MAGEC3: variants seen among roughly 807,000 people sequenced by gnomAD.
MAGEC3 encodes the protein melanoma-associated antigen C3.
Under a neutral mutation model 35.3 loss-of-function variants are expected in MAGEC3, and 34 were observed. The observed-to-expected ratio is 0.96, with a 90% CI of 0.73 to 1.28. MAGEC3 has a LOEUF of 1.28. Among genes scored for constraint, MAGEC3 ranks in the 50% most tolerant of loss-of-function variants. The pLI is 0.00. For missense variants in MAGEC3, 561 were observed against 483.6 expected (o/e 1.16, Z -1.50); for synonymous variants, 202 against 185.6 (o/e 1.09, Z -0.72).
intron 6 of MAGEC3, chrX:141,896,610 C>G (rs772628714): frequency 8.4e-7 from 1 of 1,193,429 alleles, no homozygotes; most frequent in African/African-American, 1.8e-5. Context: ...TCATCCCCAT[C>G]CCTGCTCACA....
In MAGEC3 at chrX:141,881,407, C is replaced by G; in HGVS notation, c.520C>G (p.Pro174Ala). 8.4e-7 allele frequency: 1 copy of G among 1,194,076 alleles called. No homozygotes were observed. Among genetic ancestry groups the G allele is most frequent in the Non-Finnish European group, 1.1e-6 (1 of 887,851 alleles). ...AGATACAAGTACCTGGCACAGCTTG[C>G]CAGAGAGCGAGCCCTTGTTCACTTA... is the stretch of plus-strand genomic sequence containing the variant. Reference protein sequence around the residue: ...RLWGEKAGSLPESEPLFTYTL... With the variant: ...RLWGEKAGSLAESEPLFTYTL... The change falls in exon 4 of 8, where the codon CCA becomes GCA. Residue 174 changes from proline to alanine, a missense_variant. Pro to Ala is a conservative substitution (Grantham distance 27, BLOSUM62 -1). Transcript: ENST00000298296.
intron 6 of MAGEC3, 133 bp downstream of exon 6, chrX:141,895,692 A>C (rs2124130897): frequency 8.0e-6 from 2 of 249,049 alleles, no homozygotes; most frequent in Admixed American, 1.7e-4. Context: ...CAGTCAGCTC[A>C]GGCTGAGCGG....
chrX:141,874,042 A>G (rs750104327), intron 2 of MAGEC3, among the ~76,000 whole-genome samples: 1 of 112,239 alleles, frequency 8.9e-6, no homozygotes, highest in Non-Finnish European at 1.9e-5. Flanking sequence ...AATGCAATAG[A>G]CATCCCAGAA....
rs768743003 is a variant in MAGEC3 at position 141,897,253 on chromosome X, G to A, written c.1495G>A (p.Gly499Arg). 7.4e-6 allele frequency: 9 copies of A among 1,210,215 alleles called. No individual in the cohort carries two copies. The highest frequency in any genetic ancestry group is 3.5e-5 in the South Asian group (2 of 56,763). Reference sequence around the variant, plus strand: ...TAAGGACTATTTTCCCATGATCTTCGGGAAAGCCCATGAGTTCATAGAGCT... The same window carrying A: ...TAAGGACTATTTTCCCATGATCTTCAGGAAAGCCCATGAGTTCATAGAGCT... ...KYKDYFPMIFGKAHEFIELIF... is the reference protein window; with the variant it reads ...KYKDYFPMIFRKAHEFIELIF... The change falls in exon 7 of 8, where the codon GGG becomes AGG. Residue 499 changes from glycine (G) to arginine (R), a missense_variant. By Grantham distance (125) the Gly-to-Arg change is moderately radical. Coordinates refer to ENST00000298296, the MANE Select transcript of MAGEC3 (RefSeq NM_138702.1).
chrX:141,867,486 G>A (rs1220431937), intron 2 of MAGEC3, among the ~76,000 whole-genome samples: 1 of 111,231 alleles, frequency 9.0e-6, no homozygotes, highest in African/African-American at 3.3e-5. Flanking sequence ...AAACTCTCCC[G>A]CCCTAAATCC....
At chrX:141,848,231 A>ATTGTT (rs1169561607) in intron 1 of MAGEC3, among the ~76,000 whole-genome samples, 2 of 109,607 alleles carry the variant, frequency 1.8e-5, no homozygotes, top group East Asian at 5.7e-4. Flanking sequence ...AAGGATACCC[A>ATTGTT]CTCTCACAAC....
intron 4 of MAGEC3, chrX:141,894,937 G>A (rs989911395): frequency 4.3e-6 from 3 of 693,469 alleles, no homozygotes; most frequent in Middle Eastern, 6.8e-4. Flanking sequence ...AGGAAGTTGG[G>A]AGGTGGGTAG....
chrX:141,895,526 A>G lies in MAGEC3; in HGVS notation c.1090A>G (p.Thr364Ala). 8.3e-7 allele frequency: 1 copy of G among 1,208,302 alleles called. No individual in the cohort carries two copies. ...HRQEDGRRGL[T>A]EASPQQKKGG... The stretch of plus-strand genomic sequence containing the variant: ...ACAGGAAGATGGCCGCCGAGGGCTG[A>G]CCGAGGCGTCCCCACAACAGAAGAA... The change falls in exon 6 of 8, where the codon ACC becomes GCC. Residue 364 changes from threonine (T) to alanine (A), a missense_variant. Transcript: ENST00000298296.
rs867543709 is a variant in MAGEC3 at position 141,895,336 on chromosome X, C to T, written c.977C>T (p.Pro326Leu). ...SRLALWESEGPEAFCEESGLR... is the reference protein window; with the variant it reads ...SRLALWESEGLEAFCEESGLR... ...CTTGCACTGTGGGAGTCTGAAGGAC[C>T]TGAAGCATTTTGCGAGGAGTCTGGA... Residue 326 changes from proline to leucine, a missense_variant, in exon 5 of 8, where the codon CCT becomes CTT. Pro to Leu is a moderately conservative substitution (Grantham distance 98). Coordinates refer to ENST00000298296, the MANE Select transcript of MAGEC3 (RefSeq NM_138702.1). The T allele has an allele frequency of 2.5e-6, 3 of 1,207,994 alleles. No individual in the cohort carries two copies. The highest frequency in any genetic ancestry group is 3.5e-5 in the African/African-American group (2 of 56,507).
chrX:141,867,330 CTTT>C (rs1482021839), intron 2 of MAGEC3, among the ~76,000 whole-genome samples: 1 of 111,680 alleles, frequency 9.0e-6, no homozygotes, highest in Non-Finnish European at 1.9e-5. Context: ...AAGCACATTC[CTTT>C]CCCTTCAGGT....
chrX:141,865,394 G>A (rs1166200722), intron 1 of MAGEC3, 77 bp from the exon 2 acceptor site: 8 of 987,579 alleles, frequency 8.1e-6, no homozygotes, highest in Non-Finnish European at 1.1e-5. Context: ...AGACACTAAA[G>A]AAGAATAGAG....
intron 2 of MAGEC3, 135 bp downstream of exon 2, chrX:141,865,740 T>G: frequency 1.4e-6 from 1 of 696,178 alleles, no homozygotes; most frequent in Non-Finnish European, 2.0e-6. Context: ...AGACTTCATT[T>G]TTGGGGCCTG....
intron 1 of MAGEC3, among the ~76,000 whole-genome samples, chrX:141,859,326 G>A (rs1295472049): frequency 1.8e-5 from 2 of 111,255 alleles, no homozygotes; most frequent in Non-Finnish European, 3.8e-5. Flanking sequence ...TGTTTGATGA[G>A]TGTAAAGTGA....
At chrX:141,894,546 A>G in intron 4 of MAGEC3, 1 of 668,546 alleles carries the variant, frequency 1.5e-6, no homozygotes, top group Non-Finnish European at 2.0e-6. Context: ...TGACAGAACA[A>G]CTGTTGCTGT....
rs752647806 is a variant in MAGEC3, at chrX:141,897,761, A to C, written c.1861A>C (p.Thr621Pro). Residue 621 changes from threonine to proline, a missense_variant, in exon 8 of 8, where the codon ACC becomes CCC. Physicochemically the swap from Thr to Pro is conservative, Grantham distance 38 (BLOSUM62 -1). Transcript: ENST00000298296. ...MEDRAQAIID[T>P]TDDATAMASA... ...AGACAGAGCCCAGGCCATAATTGAC[A>C]CCACAGATGATGCTACTGCCATGGC... is the stretch of plus-strand genomic sequence containing the variant. The C allele has an allele frequency of 3.1e-5, 37 of 1,208,618 alleles. No individual in the cohort carries two copies. The highest frequency in any genetic ancestry group is 3.9e-5 in the Non-Finnish European group (35 of 894,713).
chrX:141,841,095 T>C (rs1198833189), intron 1 of MAGEC3, among the ~76,000 whole-genome samples: 1 of 111,510 alleles, frequency 9.0e-6, no homozygotes, highest in Non-Finnish European at 1.9e-5. Context: ...TTCTTTTCTT[T>C]CCACTTAAGC....
intron 6 of MAGEC3, 67 bp downstream of exon 6, chrX:141,895,626 G>T: frequency 9.6e-7 from 1 of 1,045,357 alleles, no homozygotes; most frequent in East Asian, 3.3e-5. Context: ...CACCTCAGAG[G>T]ACAGCTTCCC....
rs755963616 is a variant in MAGEC3, at chrX:141,874,751, GA to G, written c.259-4415del. 5.0e-5 allele frequency among the ~76,000 whole-genome samples: 5 copies of G among 100,677 alleles called. No individual in the cohort carries two copies. In the South Asian group the frequency reaches 1.3e-3, roughly 27 times the overall value. The allele number at this position is 100,677 out of a possible 115,157, so 87.4% of individuals were successfully genotyped here. On this transcript the variant is annotated intron_variant, in intron 2 of 7. Coordinates refer to ENST00000298296, the MANE Select transcript of MAGEC3 (RefSeq NM_138702.1). Reference sequence around the variant, plus strand: ...CCTCAGTCATTGCTGATTTTAATTTGAAAAAAAAATACACTCACTCTAGAAA... The same window carrying G: ...CCTCAGTCATTGCTGATTTTAATTTGAAAAAAAATACACTCACTCTAGAAA...
intron 7 of MAGEC3, 30 bp from the exon 8 acceptor site, chrX:141,897,599 C>T: frequency 8.3e-7 from 1 of 1,200,400 alleles, no homozygotes; most frequent in Non-Finnish European, 1.1e-6. Flanking sequence ...AGTGCTCCTC[C>T]ACGTTATGAA....
Sources: allele counts gnomAD v4.1 joint callset (sites outside exome capture counted in the v4.1 genomes callset), GRCh38; gene constraint gnomAD v4.1.1; transcripts MANE v1.5; gene names NCBI Gene and HGNC (gene_info 2026-07-23, HGNC 2026-07-21).